The following CERS5 variants were observed in gnomAD, a reference collection of about 807,000 sequenced individuals.
The protein encoded by CERS5 is LAG1 homolog, ceramide synthase 5.
In CERS5, 37 loss-of-function variants were observed where a neutral mutation model predicts 58.9. The observed-to-expected ratio is 0.63, with a 90% CI of 0.48 to 0.83. The LOEUF is 0.83. Among genes scored for constraint, CERS5 ranks in the 40% least tolerant of loss-of-function variants. The probability of loss-of-function intolerance (pLI) is 0.00; values close to 1 mark genes in which losing one functional copy is unlikely to be tolerated. For synonymous variants in CERS5, 147 were observed against 177.8 expected (o/e 0.83, Z 1.38); for missense variants, 398 against 489.3 (o/e 0.81, Z 1.76).
At chr12:50,131,784 T>G (rs1951342137) in intron 9 of CERS5, among the ~76,000 whole-genome samples, 1 of 152,014 alleles carries the variant, frequency 6.6e-6, no homozygotes, top group Admixed American at 6.6e-5. Flanking sequence ...ATCCTGCATA[T>G]CAAGCAAAGT....
At chr12:50,151,652 C>T (rs1456686245) in intron 1 of CERS5, among the ~76,000 whole-genome samples, 1 of 152,200 alleles carries the variant, frequency 6.6e-6, no homozygotes. Context: ...AAAGTAAACA[C>T]TTATTAAACA....
chr12:50,152,166 C>T (rs1404475525), intron 1 of CERS5, among the ~76,000 whole-genome samples: 1 of 152,158 alleles, frequency 6.6e-6, no homozygotes, highest in Non-Finnish European at 1.5e-5. Flanking sequence ...CTGAGGCACT[C>T]TCAGGGGCTC....
intron 1 of CERS5, among the ~76,000 whole-genome samples, chr12:50,148,321 T>A (rs1268629367): frequency 6.6e-6 from 1 of 151,936 alleles, no homozygotes; most frequent in African/African-American, 2.4e-5. Flanking sequence ...ATAGGCTGTA[T>A]GCGGTGGCTC....
Position 50,136,014 on chromosome 12 carries a change from GAGA to G in CERS5, c.689_691del (p.Phe230del), listed in dbSNP as rs1435183255. 1.3e-6 allele frequency: 2 copies of G among 1,518,796 alleles called. No homozygotes were observed. The highest frequency in any genetic ancestry group is 1.4e-5 in the African/African-American group (1 of 71,682). The allele number at this position is 1,518,796 out of a possible 1,614,324, so 94.1% of individuals were successfully genotyped here. On this transcript the variant is annotated inframe_deletion, in exon 7 of 10. Transcript: ENST00000317551. The stretch of plus-strand genomic sequence containing the variant: ...CACTCGAACCATATTGTTGATGTAG[GAGA>G]AGGAGATAAGCCCAATGGTGACCAA...
At chr12:50,134,492 T>G in intron 9 of CERS5, 54 bp downstream of exon 9, 1 of 1,613,660 alleles carries the variant, frequency 6.2e-7, no homozygotes. Context: ...GAACGTCTGT[T>G]GAGTAATCCC....
intron 4 of CERS5, among the ~76,000 whole-genome samples, chr12:50,140,265 A>T (rs1951895475): frequency 6.9e-6 from 1 of 145,190 alleles, no homozygotes; most frequent in African/African-American, 2.6e-5. Flanking sequence ...GTTATTGAGA[A>T]GAGTTGTTTA....
chr12:50,164,903 G>T (rs1219532846), intron 1 of CERS5: 1 of 152,024 alleles, frequency 6.6e-6, no homozygotes, highest in Non-Finnish European at 1.5e-5. Context: ...ATATTTATAT[G>T]AAAAGCAGAG....
intron 1 of CERS5, chr12:50,144,416 A>G (rs1204446403): frequency 3.6e-6 from 1 of 277,102 alleles, no homozygotes; most frequent in African/African-American, 2.2e-5. Flanking sequence ...AAAATGTGAG[A>G]ACCACTAATC....
chr12:50,132,211 C>G (rs11169279), intron 9 of CERS5, among the ~76,000 whole-genome samples: 3,615 of 151,932 alleles, frequency 0.024, 146 homozygotes, highest in African/African-American at 0.082. Flanking sequence ...ACCAGCCAGA[C>G]CAACATGAAG....
At chr12:50,164,141 G>A (rs1249626276) in intron 1 of CERS5, among the ~76,000 whole-genome samples, 4 of 150,496 alleles carry the variant, frequency 2.7e-5, no homozygotes, top group African/African-American at 9.8e-5. Context: ...TATATTTTTA[G>A]TAGAGATGGG....
At chr12:50,148,471 C>G (rs1483856904) in intron 1 of CERS5, 1 of 254,932 alleles carries the variant, frequency 3.9e-6, no homozygotes, top group Non-Finnish European at 8.3e-6. Context: ...GCGGCACATA[C>G]CTGTAGTCCC....
intron 1 of CERS5, among the ~76,000 whole-genome samples, chr12:50,148,861 C>T (rs1445142133): frequency 7.3e-6 from 1 of 137,342 alleles, no homozygotes; most frequent in Non-Finnish European, 1.5e-5. Context: ...GCCAAGATTG[C>T]GCTACTGCAC....
At chr12:50,138,513 C>T in intron 5 of CERS5, 54 bp downstream of exon 5, 1 of 1,453,870 alleles carries the variant, frequency 6.9e-7, no homozygotes, top group Non-Finnish European at 9.7e-7. Context: ...GACCCTCACT[C>T]ACTCCACCTT....
At chr12:50,160,481 C>T (rs1939162820) in intron 1 of CERS5, among the ~76,000 whole-genome samples, 1 of 149,514 alleles carries the variant, frequency 6.7e-6, no homozygotes, top group Non-Finnish European at 1.5e-5. Context: ...AGTGAGGTTG[C>T]CTTGAAGTAA....
chr12:50,159,269 C>T (rs1019062615), intron 1 of CERS5, among the ~76,000 whole-genome samples: 4 of 152,044 alleles, frequency 2.6e-5, no homozygotes, highest in South Asian at 2.1e-4. Flanking sequence ...TGCAGTGAGC[C>T]GAGATCCCGC....
At chr12:50,136,095 G>A (rs1490194845) in intron 6 of CERS5, 26 bp from the exon 7 acceptor site, 3 of 1,468,284 alleles carry the variant, frequency 2.0e-6, no homozygotes, top group South Asian at 1.6e-5. Context: ...AATAGAAGAG[G>A]GAGGTAAAAG....
chr12:50,147,439 G>A (rs1952354052), intron 1 of CERS5: 1 of 151,796 alleles, frequency 6.6e-6, no homozygotes. Context: ...AGGTACCTAG[G>A]GTGGTCAATT....
chr12:50,151,639 G>A (rs1014788961), intron 1 of CERS5, among the ~76,000 whole-genome samples: 2 of 152,108 alleles, frequency 1.3e-5, no homozygotes, highest in Non-Finnish European at 2.9e-5. Flanking sequence ...CAATGCCTAG[G>A]ACAAAGTAAA....
At chr12:50,139,782 G>C (rs188147271) in intron 4 of CERS5, among the ~76,000 whole-genome samples, 2 of 152,240 alleles carry the variant, frequency 1.3e-5, no homozygotes, top group East Asian at 1.9e-4. Context: ...GACAGAGTGA[G>C]ACTCTGTCTC....
Sources: allele counts gnomAD v4.1 joint callset (sites outside exome capture counted in the v4.1 genomes callset), GRCh38; gene constraint gnomAD v4.1.1; transcripts MANE v1.5; gene names NCBI Gene and HGNC (gene_info 2026-07-23, HGNC 2026-07-21).